The following ZNF521 variants were observed in gnomAD, a reference collection of about 807,000 sequenced individuals.
ZNF521 encodes LYST-interacting protein 3.
In ZNF521, 14 loss-of-function variants were observed where a neutral mutation model predicts 105.5. The ratio of observed to expected loss-of-function variants is 0.13; its 90% CI spans 0.09 to 0.21. The LOEUF is 0.21. Ranked by LOEUF, ZNF521 falls within the 10% of genes least tolerant of loss-of-function variation. The pLI is 1.00. For missense variants in ZNF521, 1,233 were observed against 1,629.7 expected (o/e 0.76, Z 4.19); for synonymous variants, 635 against 606.0 (o/e 1.05, Z -0.70).
intron 3 of ZNF521, among the ~76,000 whole-genome samples, chr18:25,279,299 G>A (rs1479743244): frequency 6.6e-6 from 1 of 152,172 alleles, no homozygotes; most frequent in Non-Finnish European, 1.5e-5. Context: ...ATGATCTAAT[G>A]CATTTCAACA....
At chr18:25,274,369 G>A (rs1171949049) in intron 3 of ZNF521, among the ~76,000 whole-genome samples, 2 of 152,186 alleles carry the variant, frequency 1.3e-5, no homozygotes, top group African/African-American at 4.8e-5. Flanking sequence ...TTCTGGATCT[G>A]ATGACCAAAT....
At chr18:25,201,256 C>T (rs1019852102) in intron 4 of ZNF521, 1 of 152,106 alleles carries the variant, frequency 6.6e-6, no homozygotes, top group African/African-American at 2.4e-5. Context: ...TTCCTTCCTA[C>T]TCCTTCAATC....
intron 4 of ZNF521, among the ~76,000 whole-genome samples, chr18:25,197,737 A>G (rs1240283589): frequency 2.6e-5 from 4 of 151,830 alleles, no homozygotes; most frequent in Admixed American, 6.6e-5. Context: ...GCTACAAAGA[A>G]GAGGTTGAAT....
chr18:25,273,090 G>A (rs1290891550), intron 3 of ZNF521, among the ~76,000 whole-genome samples: 1 of 150,940 alleles, frequency 6.6e-6, no homozygotes, highest in African/African-American at 2.4e-5. Flanking sequence ...AGCCAGGCAC[G>A]ATGACATGCA....
chr18:25,290,240 G>A (rs1434354650), intron 3 of ZNF521, among the ~76,000 whole-genome samples: 1 of 152,184 alleles, frequency 6.6e-6, no homozygotes, highest in African/African-American at 2.4e-5. Flanking sequence ...AAGATGAACT[G>A]CAGCTTAAAA....
intron 3 of ZNF521, among the ~76,000 whole-genome samples, chr18:25,289,596 C>T (rs1910898530): frequency 6.6e-6 from 1 of 152,148 alleles, no homozygotes; most frequent in Admixed American, 6.5e-5. Flanking sequence ...AATGTATATA[C>T]TTTGTTATCA....
chr18:25,239,614 C>A (rs1012725510), intron 3 of ZNF521, among the ~76,000 whole-genome samples: 8 of 152,190 alleles, frequency 5.3e-5, no homozygotes, highest in Admixed American at 5.2e-4. Flanking sequence ...TTTTTCCACT[C>A]AGGGAGGCGA....
chr18:25,223,585 T>G (rs538944958), intron 4 of ZNF521, among the ~76,000 whole-genome samples: 1 of 152,202 alleles, frequency 6.6e-6, no homozygotes, highest in East Asian at 1.9e-4. Context: ...CATCCTCTGC[T>G]CAGCTACTAA....
intron 5 of ZNF521, among the ~76,000 whole-genome samples, chr18:25,172,678 T>A (rs1204556949): frequency 6.6e-6 from 1 of 152,184 alleles, no homozygotes; most frequent in Admixed American, 6.5e-5. Context: ...TGAAAGAGAA[T>A]GTGTAGAAAG....
chr18:25,073,625 T>C (rs2033278950), intron 7 of ZNF521, among the ~76,000 whole-genome samples: 1 of 152,194 alleles, frequency 6.6e-6, no homozygotes, highest in Non-Finnish European at 1.5e-5. Flanking sequence ...ATTCAAAGGG[T>C]AACCTTTGTA....
intron 4 of ZNF521, among the ~76,000 whole-genome samples, chr18:25,200,530 TCA>T (rs2035974608): frequency 6.6e-6 from 1 of 152,144 alleles, no homozygotes; most frequent in Admixed American, 6.6e-5. Flanking sequence ...TTAAAATCAC[TCA>T]GTTATTAAGT....
intron 2 of ZNF521, among the ~76,000 whole-genome samples, chr18:25,333,299 A>ACTCTCTCT (rs150034581): frequency 3.2e-4 from 46 of 142,900 alleles, no homozygotes; most frequent in South Asian, 6.8e-4. Context: ...ATAAGGACAC[A>ACTCTCTCT]CTCTCTCTCT....
chr18:25,137,985 CA>C (rs941589313), intron 5 of ZNF521, among the ~76,000 whole-genome samples: 1 of 152,174 alleles, frequency 6.6e-6, no homozygotes, highest in African/African-American at 2.4e-5. Flanking sequence ...CTCCATTTTA[CA>C]AGCAATCAAT....
At chr18:25,316,921 A>C (rs951111779) in intron 3 of ZNF521, among the ~76,000 whole-genome samples, 1 of 148,842 alleles carries the variant, frequency 6.7e-6, no homozygotes, top group Non-Finnish European at 1.5e-5. Flanking sequence ...ATGACACGAT[A>C]TCAGCTCACT....
chr18:25,207,009 TAAC>T (rs2036092613), intron 4 of ZNF521, among the ~76,000 whole-genome samples: 1 of 152,206 alleles, frequency 6.6e-6, no homozygotes, highest in Non-Finnish European at 1.5e-5. Context: ...CCCCTTGATT[TAAC>T]TAAAATTATC....
intron 7 of ZNF521, among the ~76,000 whole-genome samples, chr18:25,064,335 T>A (rs4366790): frequency 6.6e-6 from 1 of 152,242 alleles, no homozygotes; most frequent in Admixed American, 6.5e-5. Flanking sequence ...GGATCCAGCA[T>A]ACTGACAGCC....
At chr18:25,211,119 A>T (rs2144684453) in intron 4 of ZNF521, among the ~76,000 whole-genome samples, 1 of 152,362 alleles carries the variant, frequency 6.6e-6, no homozygotes, top group East Asian at 1.9e-4. Flanking sequence ...AAGAGAAAAA[A>T]GATTAACTGA....
At chr18:25,070,101 G>A (rs1264966622) in intron 7 of ZNF521, among the ~76,000 whole-genome samples, 1 of 152,096 alleles carries the variant, frequency 6.6e-6, no homozygotes, top group Admixed American at 6.5e-5. Flanking sequence ...CATCAGAAGC[G>A]ATCAGAAGAA....
chr18:25,233,219 G>T (rs1426082348), intron 3 of ZNF521, among the ~76,000 whole-genome samples: 1 of 151,630 alleles, frequency 6.6e-6, no homozygotes, highest in African/African-American at 2.4e-5. Flanking sequence ...ATTGCTAAAA[G>T]ATAAGGTCAT....
Sources: allele counts gnomAD v4.1 joint callset (sites outside exome capture counted in the v4.1 genomes callset), GRCh38; gene constraint gnomAD v4.1.1; transcripts MANE v1.5; gene names NCBI Gene and HGNC (gene_info 2026-07-23, HGNC 2026-07-21).